The following CCDC66 variants were observed in gnomAD, a reference collection of about 807,000 sequenced individuals.
CCDC66 encodes coiled-coil domain containing 66, also known as coiled-coil domain-containing protein 66.
CCDC66 carries 133 observed loss-of-function variants against 128.3 expected under a neutral mutation model. The observed-to-expected ratio is 1.04, with a 90% CI of 0.90 to 1.20. The LOEUF (loss-of-function observed/expected upper bound fraction) is 1.20, where lower values mean the gene tolerates loss of function less well. Among genes scored for constraint, CCDC66 ranks in the 50% most tolerant of loss-of-function variants. The probability of loss-of-function intolerance (pLI) is 0.00; values close to 1 mark genes in which losing one functional copy is unlikely to be tolerated. For synonymous variants in CCDC66, 387 were observed against 357.0 expected (o/e 1.08, Z -0.95); for missense variants, 1,126 against 1,075.5 (o/e 1.05, Z -0.66).
At position 56,617,603 on chromosome 3, in the gene CCDC66, A is replaced by C; in HGVS notation, c.2335A>C (p.Lys779Gln). Residue 779 changes from lysine (K) to glutamine (Q), a missense_variant and splice_region_variant, in exon 14 of 18, where the codon AAG becomes CAG. Coordinates refer to ENST00000394672, the MANE Select transcript of CCDC66 (RefSeq NM_001141947.3). ...AAAGTTGAGGTGGCATCTAGTCAAAAAGGTAAAGCTCTTCCATCTTAGATG... is the reference window on the plus strand; with the variant it reads ...AAAGTTGAGGTGGCATCTAGTCAAACAGGTAAAGCTCTTCCATCTTAGATG... ...ESKLRWHLVK[K>Q]EEEPLNIHSF... is the part of the protein sequence containing the mutation. The C allele has an allele frequency of 1.9e-6, 3 of 1,592,186 alleles. No homozygotes were observed. The highest frequency in any genetic ancestry group is 2.6e-6 in the Non-Finnish European group (3 of 1,173,450).
At chr3:56,584,461 G>A (rs986739699) in intron 7 of CCDC66, among the ~76,000 whole-genome samples, 3 of 150,258 alleles carry the variant, frequency 2.0e-5, no homozygotes, top group Non-Finnish European at 3.0e-5. Flanking sequence ...ACGGGGTCGC[G>A]GCCAGGCAGA....
At chr3:56,605,690 G>T (rs2073963780) in intron 10 of CCDC66, among the ~76,000 whole-genome samples, 2 of 152,002 alleles carry the variant, frequency 1.3e-5, no homozygotes, top group East Asian at 3.9e-4. Flanking sequence ...GAGCTCTCCT[G>T]TATGAAGTGT....
chr3:56,597,777 G>GTTTTTTTTTTTGTTTTTTTT (rs2072314367), intron 10 of CCDC66, among the ~76,000 whole-genome samples: 1 of 87,916 alleles, frequency 1.1e-5, no homozygotes, highest in African/African-American at 4.2e-5. Flanking sequence ...TTGTTTTGGG[G>GTTTTTTTTTTTGTTTTTTTT]TTTTTTTTTT....
chr3:56,563,903 C>T lies in CCDC66; in HGVS notation c.322C>T (p.Gln108Ter), dbSNP rs1454680029. The T allele has an allele frequency of 3.1e-6, 5 of 1,613,110 alleles. No individual in the cohort carries two copies. The highest frequency in any genetic ancestry group is 1.1e-5 in the South Asian group (1 of 91,016). The change falls in exon 4 of 18, where the codon CAG becomes TAG. Residue 108 changes from glutamine (Q) to a stop codon, truncating the protein, a stop_gained. Coordinates refer to ENST00000394672, the MANE Select transcript of CCDC66 (RefSeq NM_001141947.3). LOFTEE classifies it high-confidence loss of function. ...QCIDKDCLHIQKEISPATPNM... is the reference protein window; with the variant it reads ...QCIDKDCLHI ...TATAGATAAAGACTGTCTTCATATCCAGAAAGAGATTTCACCTGCAACCCC... is the reference window on the plus strand; with the variant it reads ...TATAGATAAAGACTGTCTTCATATCTAGAAAGAGATTTCACCTGCAACCCC...
chr3:56,594,308 T>TC (rs11436911), intron 10 of CCDC66, among the ~76,000 whole-genome samples: 3 of 151,776 alleles, frequency 2.0e-5, no homozygotes, highest in South Asian at 4.1e-4. Flanking sequence ...TTTTTTTTTT[T>TC]CATCAATTTA....
intron 7 of CCDC66, chr3:56,572,959 T>G (rs1169883727): frequency 6.6e-6 from 1 of 152,206 alleles, no homozygotes; most frequent in Non-Finnish European, 1.5e-5. Flanking sequence ...GTGTGTAAAG[T>G]TTAGAAGTTG....
At chr3:56,562,080 G>A (rs2065176690) in intron 3 of CCDC66, among the ~76,000 whole-genome samples, 1 of 142,388 alleles carries the variant, frequency 7.0e-6, no homozygotes, top group Non-Finnish European at 1.5e-5. Context: ...CTCTCTCTTT[G>A]TCCAGGCTGG....
chr3:56,562,044 T>C (rs1318408107), intron 3 of CCDC66, among the ~76,000 whole-genome samples: 1 of 151,954 alleles, frequency 6.6e-6, no homozygotes, highest in Non-Finnish European at 1.5e-5. Context: ...TTCTTTTCTT[T>C]TTTTTTTTCT....
At position 56,558,917 on chromosome 3, in the gene CCDC66, TGTGTTACA is replaced by T. The variant is rs1447326729; in HGVS notation, c.76+9_76+16del. On this transcript the variant is annotated splice_region_variant and intron_variant, in intron 2 of 17. Coordinates refer to ENST00000394672, the MANE Select transcript of CCDC66 (RefSeq NM_001141947.3). ...CTAATATTGTCTCCATATGGTATGT[TGTGTTACA>T]GAAATCTGAAATGTTAACTTTTAAA... The T allele has an allele frequency of 3.3e-6, 5 of 1,522,208 alleles. No individual in the cohort carries two copies. The East Asian group carries it at 1.2e-4, about 38-fold the overall frequency. The allele number at this position is 1,522,208 out of a possible 1,614,324, so 94.3% of individuals were successfully genotyped here.
intron 10 of CCDC66, among the ~76,000 whole-genome samples, chr3:56,595,311 A>G (rs1035886252): frequency 6.6e-6 from 1 of 152,178 alleles, no homozygotes; most frequent in African/African-American, 2.4e-5. Context: ...TAGTCACCTT[A>G]CTATTGCTAT....
At chr3:56,564,775 GAAAT>G (rs2065569363) in intron 4 of CCDC66, among the ~76,000 whole-genome samples, 1 of 152,160 alleles carries the variant, frequency 6.6e-6, no homozygotes, top group South Asian at 2.1e-4. Context: ...AGGCAATAGT[GAAAT>G]AAATAAAAAA....
intron 3 of CCDC66, among the ~76,000 whole-genome samples, chr3:56,561,575 T>C (rs2065104012): frequency 6.6e-6 from 1 of 152,240 alleles, no homozygotes; most frequent in East Asian, 1.9e-4. Context: ...ATTTGGGACT[T>C]CAAAATACTG....
chr3:56,557,917 T>C (rs749466951), intron 1 of CCDC66: 4 of 152,464 alleles, frequency 2.6e-5, no homozygotes, highest in Non-Finnish European at 5.9e-5. Context: ...AATAAGATAG[T>C]GTGTCCCTTA....
At chr3:56,615,359 C>T in intron 12 of CCDC66, 87 bp downstream of exon 12, 2 of 1,349,540 alleles carry the variant, frequency 1.5e-6, no homozygotes, top group Non-Finnish European at 2.0e-6. Context: ...GAGACAAGGA[C>T]TCATTCTGTT....
chr3:56,562,228 T>C (rs1577218858), intron 3 of CCDC66, among the ~76,000 whole-genome samples: 1 of 151,834 alleles, frequency 6.6e-6, no homozygotes, highest in East Asian at 1.9e-4. Flanking sequence ...TTAAAATTTT[T>C]TGTACAGACG....
intron 4 of CCDC66, 101 bp downstream of exon 4, chr3:56,564,226 A>C: frequency 1.2e-6 from 1 of 801,182 alleles, no homozygotes; most frequent in Non-Finnish European, 1.9e-6. Flanking sequence ...CTTAAACTCT[A>C]ATTTAACCTG....
intron 10 of CCDC66, among the ~76,000 whole-genome samples, chr3:56,608,539 T>A (rs2074374020): frequency 6.6e-6 from 1 of 152,192 alleles, no homozygotes; most frequent in African/African-American, 2.4e-5. Flanking sequence ...ATCTTGCTAA[T>A]CTATCCATTT....
At chr3:56,579,492 T>G (rs2067961722) in intron 7 of CCDC66, among the ~76,000 whole-genome samples, 1 of 151,838 alleles carries the variant, frequency 6.6e-6, no homozygotes, top group South Asian at 2.1e-4. Flanking sequence ...GTTCTTTTAA[T>G]TGTGATATTA....
chr3:56,610,256 T>C (rs1028719861), intron 10 of CCDC66, among the ~76,000 whole-genome samples: 1 of 152,194 alleles, frequency 6.6e-6, no homozygotes, highest in African/African-American at 2.4e-5. Flanking sequence ...TTTCTTCTAC[T>C]TGTTCAATTC....
Sources: gnomAD v4.1 joint callset for allele counts (sites outside exome capture counted in the v4.1 genomes callset) on GRCh38, gnomAD v4.1.1 for gene constraint, MANE v1.5 for transcripts, NCBI Gene and HGNC (gene_info 2026-07-23, HGNC 2026-07-21) for gene names.